MAP3K4: variants seen among roughly 807,000 people sequenced by gnomAD.
The protein encoded by MAP3K4 is mitogen-activated protein kinase kinase kinase 4, also known as MAP three kinase 1.
MAP3K4 carries 67 observed loss-of-function variants against 185.6 expected under a neutral mutation model. The observed-to-expected ratio is 0.36, with a 90% CI of 0.30 to 0.44. The LOEUF (loss-of-function observed/expected upper bound fraction) is 0.44. MAP3K4 is among the 20% of genes least tolerant of loss of function. The pLI, the probability that MAP3K4 is intolerant of heterozygous loss-of-function variation, is 1.00. For synonymous variants in MAP3K4, 702 were observed against 710.4 expected (o/e 0.99, Z 0.19); for missense variants, 1,551 against 1,995.1 (o/e 0.78, Z 4.24).
In MAP3K4 at chr6:161,034,165, A is replaced by C; in HGVS notation, c.153-94A>C. On this transcript the variant is annotated intron_variant, in intron 1 of 26. Coordinates refer to ENST00000392142, the MANE Select transcript of MAP3K4 (RefSeq NM_005922.4). This position sits in a 1 kb window ranked among gnomAD's most constrained non-coding sequence, Gnocchi z 4.4. ...GTGCTGAAGAGATTTTTCTGTACAA[A>C]AGTTTTACAAAGAATTATTTAAAAA... 9.8e-7 allele frequency: 1 copy of C among 1,019,276 alleles called. No homozygotes were observed. The highest frequency in any genetic ancestry group is 1.4e-6 in the Non-Finnish European group (1 of 711,934). 63.1% of individuals were successfully genotyped at this position (1,019,276 alleles called of 1,614,324 possible).
At chr6:161,006,792 A>G (rs773875048) in intron 1 of MAP3K4, among the ~76,000 whole-genome samples, 1 of 152,206 alleles carries the variant, frequency 6.6e-6, no homozygotes, top group Non-Finnish European at 1.5e-5. Flanking sequence ...TATATATTCA[A>G]TTTTAAAATT....
At chr6:161,089,525 G>T in intron 11 of MAP3K4, 54 bp downstream of exon 11, 1 of 1,597,420 alleles carries the variant, frequency 6.3e-7, no homozygotes, top group Non-Finnish European at 8.5e-7. Flanking sequence ...ATGAAAGTCA[G>T]TGTGTGGTAA....
rs1290751721 is a variant in MAP3K4, at chr6:161,087,129, A to G, written c.2556+462A>G. 1.3e-5 allele frequency among the ~76,000 whole-genome samples: 2 copies of G among 152,188 alleles called. No individual in the cohort carries two copies. Among genetic ancestry groups the G allele is most frequent in the African/African-American group, 4.8e-5 (2 of 41,452 alleles). The stretch of plus-strand genomic sequence containing the variant: ...GAGATTTAGCACAGTTAGAATCCGT[A>G]TGTGATGTCATCACTGGACATTTTA... On this transcript the variant is annotated intron_variant, in intron 9 of 26. Transcript: ENST00000392142. This position sits in a 1 kb window ranked among gnomAD's most constrained non-coding sequence, Gnocchi z 4.9.
rs983055339 is a variant in MAP3K4 at position 161,086,765 on chromosome 6, C to T, written c.2556+98C>T. The T allele has an allele frequency of 2.4e-5, 22 of 930,768 alleles. No individual in the cohort carries two copies. In the South Asian group the frequency reaches 3.4e-4, roughly 15 times the overall value. 57.7% of individuals were successfully genotyped at this position (930,768 alleles called of 1,614,324 possible). On this transcript the variant is annotated intron_variant, in intron 9 of 26. Transcript: ENST00000392142. The surrounding 1 kb of genome is among the most constrained non-coding windows in gnomAD (Gnocchi z 4.8). The stretch of plus-strand genomic sequence containing the variant: ...TTGAAGGTCCAGATAGTAAATATTA[C>T]AGGCTCTGAAGGCTGTACCACAACC...
At chr6:161,099,801 T>C (rs1233521825) in intron 17 of MAP3K4, among the ~76,000 whole-genome samples, 1 of 152,210 alleles carries the variant, frequency 6.6e-6, no homozygotes. Flanking sequence ...ATTTGTAAGT[T>C]GGTGGTGTGG....
chr6:161,052,095 A>G (rs1019810605), intron 3 of MAP3K4, among the ~76,000 whole-genome samples: 2 of 152,180 alleles, frequency 1.3e-5, no homozygotes, highest in African/African-American at 4.8e-5. Flanking sequence ...AGAGCAGCAC[A>G]TGAGAAGAGG....
chr6:161,027,174 C>T (rs1007630774), intron 1 of MAP3K4, among the ~76,000 whole-genome samples: 5 of 152,128 alleles, frequency 3.3e-5, no homozygotes, highest in African/African-American at 1.2e-4. Flanking sequence ...ATCATGAATG[C>T]GGATAGCTAA....
Position 161,070,048 on chromosome 6 carries a change from C to A in MAP3K4, c.1708-560C>A, listed in dbSNP as rs977850418. 2.0e-5 allele frequency among the ~76,000 whole-genome samples: 3 copies of A among 152,152 alleles called. No homozygotes were observed. Among genetic ancestry groups the A allele is most frequent in the African/African-American group, 4.8e-5 (2 of 41,438 alleles). On this transcript the variant is annotated intron_variant, in intron 3 of 26. Coordinates refer to ENST00000392142, the MANE Select transcript of MAP3K4 (RefSeq NM_005922.4). The surrounding 1 kb of genome is among the most constrained non-coding windows in gnomAD (Gnocchi z 4.5). ...TCACAAAACGGATAACTGAGTCATG[C>A]CAACCAGGTTGATCTTAACGATTTT...
intron 3 of MAP3K4, among the ~76,000 whole-genome samples, chr6:161,060,020 T>C (rs939490578): frequency 2.6e-5 from 4 of 152,188 alleles, no homozygotes; most frequent in African/African-American, 4.8e-5. Flanking sequence ...CAGGATTTTT[T>C]AATTGGTTGG....
Position 161,084,439 on chromosome 6 carries a change from G to A in MAP3K4, c.2256-62G>A. 1.2e-6 allele frequency: 1 copy of A among 819,594 alleles called. No homozygotes were observed. Among genetic ancestry groups the A allele is most frequent in the Non-Finnish European group, 2.1e-6 (1 of 469,410 alleles). 50.8% of individuals were successfully genotyped at this position (819,594 alleles called of 1,614,324 possible). Reference sequence around the variant, plus strand: ...TGAGCCTTTCAAGTTTCTCAGTCAAGAATTAGGCTATGAGTAGGGACAGTT... The same window carrying A: ...TGAGCCTTTCAAGTTTCTCAGTCAAAAATTAGGCTATGAGTAGGGACAGTT... On this transcript the variant is annotated intron_variant, in intron 6 of 26. Transcript: ENST00000392142. This position sits in a 1 kb window ranked among gnomAD's most constrained non-coding sequence, Gnocchi z 4.6.
At chr6:161,033,501 A>G (rs1783022690) in intron 1 of MAP3K4, among the ~76,000 whole-genome samples, 1 of 151,804 alleles carries the variant, frequency 6.6e-6, no homozygotes, top group Admixed American at 6.6e-5. Flanking sequence ...TTGAAGGTGA[A>G]AAGAAACAAT....
intron 1 of MAP3K4, among the ~76,000 whole-genome samples, chr6:161,029,044 A>G (rs1436888087): frequency 6.6e-6 from 1 of 152,224 alleles, no homozygotes; most frequent in Non-Finnish European, 1.5e-5. Flanking sequence ...AAGGAAACCT[A>G]GAAAATCTAT....
intron 19 of MAP3K4, 61 bp downstream of exon 19, chr6:161,102,840 G>C: frequency 8.7e-7 from 1 of 1,155,902 alleles, no homozygotes; most frequent in Non-Finnish European, 1.2e-6. Flanking sequence ...TTACACATAA[G>C]GGGAGCAGTT....
rs1781663806 is a variant in MAP3K4, at chr6:161,007,855, A to G, written c.152+15772A>G. Among the ~76,000 whole-genome samples, 1 of 152,222 alleles carries G rather than the reference A, an allele frequency of 6.6e-6. No homozygotes were observed. The highest frequency in any genetic ancestry group is 2.1e-4 in the South Asian group (1 of 4,832). ...TTATATGTCACTAAGGAAAAACTGCAATGAAGCAATGACACAGTGCTTTTT... is the reference window on the plus strand; with the variant it reads ...TTATATGTCACTAAGGAAAAACTGCGATGAAGCAATGACACAGTGCTTTTT... On this transcript the variant is annotated intron_variant, in intron 1 of 26. Transcript: ENST00000392142. The surrounding 1 kb of genome is among the most constrained non-coding windows in gnomAD (Gnocchi z 4.5).
intron 18 of MAP3K4, 21 bp downstream of exon 18, chr6:161,102,013 G>C (rs759443761): frequency 7.6e-6 from 12 of 1,577,692 alleles, no homozygotes; most frequent in Non-Finnish European, 8.7e-6. Context: ...TAAGGTGTTA[G>C]CTGCATTCAC....
intron 1 of MAP3K4, among the ~76,000 whole-genome samples, chr6:161,030,640 C>T (rs1410160937): frequency 6.6e-6 from 1 of 152,066 alleles, no homozygotes; most frequent in East Asian, 1.9e-4. Flanking sequence ...GTCTCAAACT[C>T]CTGAGCACAA....
Position 161,034,375 on chromosome 6 carries a change from G to C in MAP3K4, c.269G>C (p.Arg90Pro). ...GGTACCTCTCCCCCCAGCACACCTC[G>C]ACAGATGAAACGCATGTCAACCAAA... ...LYGTSPPSTP[R>P]QMKRMSTKHQ... The change falls in exon 2 of 27, where the codon CGA becomes CCA. Residue 90 changes from arginine (R) to proline (P), a missense_variant. Around this residue, in one of 16 missense-constraint regions of MAP3K4, gnomAD observed 287 missense variants for 268.8 expected, o/e 1.07. Transcript: ENST00000392142. The surrounding 1 kb of genome is among the most constrained non-coding windows in gnomAD (Gnocchi z 4.4). 1 of 1,613,870 alleles carries C rather than the reference G, an allele frequency of 6.2e-7. No homozygotes were observed. The highest frequency in any genetic ancestry group is 8.5e-7 in the Non-Finnish European group (1 of 1,179,888).
At position 161,109,930 on chromosome 6, in the gene MAP3K4, C is replaced by G. The variant is rs763870164; in HGVS notation, c.4396+16C>G. On this transcript the variant is annotated intron_variant, in intron 23 of 26. Transcript: ENST00000392142. This position sits in a 1 kb window ranked among gnomAD's most constrained non-coding sequence, Gnocchi z 5.7. ...GACATTAAAGGTAATCCCACACCCG[C>G]CTGGCTGCTGTGGGCCAGAGCCACT... The G allele has an allele frequency of 8.7e-6, 14 of 1,612,690 alleles. No individual in the cohort carries two copies. In the South Asian group the frequency reaches 1.3e-4, roughly 15 times the overall value.
rs1219907984 is a variant in MAP3K4 at position 161,071,783 on chromosome 6, C to A, written c.1950+933C>A. 6.6e-6 allele frequency among the ~76,000 whole-genome samples: 1 copy of A among 152,184 alleles called. No individual in the cohort carries two copies. Among genetic ancestry groups the A allele is most frequent in the Non-Finnish European group, 1.5e-5 (1 of 68,030 alleles). On this transcript the variant is annotated intron_variant, in intron 4 of 26. Transcript: ENST00000392142. The surrounding 1 kb of genome is among the most constrained non-coding windows in gnomAD (Gnocchi z 4.6). ...CATGTTAGCTCCCCTTCCTTCTCAC[C>A]CTCTTGTTTCTGGTTATTGTCGTGC...
Sources: allele counts gnomAD v4.1 joint callset (sites outside exome capture counted in the v4.1 genomes callset), GRCh38; gene constraint gnomAD v4.1.1; regional missense constraint gnomAD v4.1.1; non-coding constraint Gnocchi (gnomAD v3.1); transcripts MANE v1.5; gene names NCBI Gene and HGNC (gene_info 2026-07-23, HGNC 2026-07-21).